EPS8: variants seen among roughly 807,000 people sequenced by gnomAD.
EPS8 encodes the protein epidermal growth factor receptor kinase substrate 8.
In EPS8, 42 loss-of-function variants were observed where a neutral mutation model predicts 103.8. The ratio of observed to expected loss-of-function variants is 0.40; its 90% CI spans 0.32 to 0.52. The LOEUF (loss-of-function observed/expected upper bound fraction) is 0.52, where lower values mean the gene tolerates loss of function less well. EPS8 is among the 20% of genes least tolerant of loss of function. EPS8 has a pLI of 0.40. For missense variants in EPS8, 969 were observed against 1,005.1 expected, an observed-to-expected ratio of 0.96 and a Z score of 0.49; for synonymous variants, 344 against 344.6, an observed-to-expected ratio of 1.00 and a Z score of 0.02.
intron 17 of EPS8, among the ~76,000 whole-genome samples, chr12:15,636,920 T>C (rs953148985): frequency 6.6e-6 from 1 of 152,264 alleles, no homozygotes; most frequent in Non-Finnish European, 1.5e-5. Context: ...TATCACAGTA[T>C]AATGCAAAGT....
intron 17 of EPS8, among the ~76,000 whole-genome samples, chr12:15,639,926 G>T (rs1366879697): frequency 1.3e-5 from 2 of 152,184 alleles, no homozygotes; most frequent in Admixed American, 1.3e-4. Flanking sequence ...GCCACCCCAG[G>T]TTCACTGGCT....
chr12:15,700,632 T>C lies in EPS8; in HGVS notation c.-21-17660A>G, dbSNP rs1407652445. On this transcript the variant is annotated intron_variant, in intron 1 of 20. Coordinates refer to ENST00000281172, the MANE Select transcript of EPS8 (RefSeq NM_004447.6). The surrounding 1 kb of genome is among the most constrained non-coding windows in gnomAD (Gnocchi z 5.1). ...AATGCCAACTGAGCAGAAAAACCAA[T>C]GAAGGCACTGCTCTTAGTGTAGCCA... 5.9e-5 allele frequency among the ~76,000 whole-genome samples: 9 copies of C among 152,286 alleles called. No individual in the cohort carries two copies. In the East Asian group the frequency reaches 1.5e-3, roughly 26 times the overall value.
intron 9 of EPS8, among the ~76,000 whole-genome samples, chr12:15,661,436 A>C (rs1015003544): frequency 3.3e-5 from 5 of 152,198 alleles, no homozygotes; most frequent in Non-Finnish European, 5.9e-5. Context: ...TTTCTCAATA[A>C]GCTGGTAACA....
chr12:15,683,392 A>C (rs1393697357), intron 1 of EPS8: 1 of 153,452 alleles, frequency 6.5e-6, no homozygotes. Flanking sequence ...ACAAAAGCAA[A>C]AAGTATCACC....
At position 15,669,613 on chromosome 12, in the gene EPS8, A is replaced by G; in HGVS notation, c.366+51T>C. On this transcript the variant is annotated intron_variant, in intron 5 of 20. Coordinates refer to ENST00000281172, the MANE Select transcript of EPS8 (RefSeq NM_004447.6). ...CAATCTGAAATGATTGTAAACATTA[A>G]TATTTGTGGAGTTTCTTGAAAATAA... 1.9e-6 allele frequency: 3 copies of G among 1,553,398 alleles called. No homozygotes were observed. The African/African-American group carries it at 4.1e-5, about 21-fold the overall frequency.
At chr12:15,694,983 C>T (rs944809281) in intron 1 of EPS8, among the ~76,000 whole-genome samples, 14 of 152,012 alleles carry the variant, frequency 9.2e-5, no homozygotes, top group African/African-American at 3.4e-4. Context: ...AAAAATAATG[C>T]TCATTAAGTA....
intron 14 of EPS8, among the ~76,000 whole-genome samples, chr12:15,648,810 C>T (rs760355278): frequency 1.3e-5 from 2 of 152,114 alleles, no homozygotes; most frequent in African/African-American, 2.4e-5. Context: ...CCAAAGTTTG[C>T]TTAGGGTTCA....
intron 1 of EPS8, among the ~76,000 whole-genome samples, chr12:15,743,906 C>A (rs1946849696): frequency 6.6e-6 from 1 of 152,138 alleles, no homozygotes. Context: ...CCAAAATTGA[C>A]AAATGGGATC....
chr12:15,642,029 G>A (rs1024516345), intron 15 of EPS8, among the ~76,000 whole-genome samples, 199 bp from the exon 16 acceptor site: 11 of 151,920 alleles, frequency 7.2e-5, no homozygotes, highest in Non-Finnish European at 1.6e-4. Flanking sequence ...TATGGCCAGG[G>A]ATAAAAACAA....
rs1265334548 is a variant in EPS8, at chr12:15,658,067, A to G, written c.1101+12T>C. Reference sequence around the variant, plus strand: ...CTAAGAACGATTCTTTCTTAAACTAATAAAATCTCACCATATTTAATGGAG... The same window carrying G: ...CTAAGAACGATTCTTTCTTAAACTAGTAAAATCTCACCATATTTAATGGAG... On this transcript the variant is annotated intron_variant, in intron 12 of 20. Coordinates refer to ENST00000281172, the MANE Select transcript of EPS8 (RefSeq NM_004447.6). 3 of 1,519,838 alleles carry G rather than the reference A, an allele frequency of 2.0e-6. No individual in the cohort carries two copies. The highest frequency in any genetic ancestry group is 2.7e-6 in the Non-Finnish European group (3 of 1,095,438). The allele number at this position is 1,519,838 out of a possible 1,614,324, so 94.1% of individuals were successfully genotyped here. A position where few individuals can be genotyped will look rare whatever the true frequency, so the allele number is the denominator to read the frequency against.
intron 1 of EPS8, among the ~76,000 whole-genome samples, chr12:15,737,356 T>C (rs549223572): frequency 6.6e-6 from 1 of 152,134 alleles, no homozygotes; most frequent in East Asian, 1.9e-4. Context: ...AACAAAATAG[T>C]TTAGAAAAAA....
rs192842398 is a variant in EPS8 at position 15,777,155 on chromosome 12, A to G, written c.-22+12006T>C. Among the ~76,000 whole-genome samples the G allele has an allele frequency of 4.4e-4, 67 of 152,254 alleles. 1 individual carries two copies. The highest frequency in any genetic ancestry group is 4.1e-3 in the Admixed American group (62 of 15,284). Reference sequence around the variant, plus strand: ...TTTTATATCTATTTTAAGATTCTTTACAATGCCATGGAGTAGCCTATATAA... The same window carrying G: ...TTTTATATCTATTTTAAGATTCTTTGCAATGCCATGGAGTAGCCTATATAA... On this transcript the variant is annotated intron_variant, in intron 1 of 20. Transcript: ENST00000281172. The surrounding 1 kb of genome is among the most constrained non-coding windows in gnomAD (Gnocchi z 4.7).
In EPS8 at chr12:15,731,041, C is replaced by CT. The variant is rs898595143; in HGVS notation, c.-21-48070dup. Among the ~76,000 whole-genome samples the CT allele has an allele frequency of 6.6e-6, 1 of 152,140 alleles. No homozygotes were observed. The highest frequency in any genetic ancestry group is 1.5e-5 in the Non-Finnish European group (1 of 68,030). ...CCATTTACTTATTTCAGAAATGCCT[C>CT]TTGTGCAAAAAGTTCAGTCAAAAAT... On this transcript the variant is annotated intron_variant, in intron 1 of 20. Transcript: ENST00000281172. The surrounding 1 kb of genome is among the most constrained non-coding windows in gnomAD (Gnocchi z 5.1).
rs752363209 is a variant in EPS8, at chr12:15,733,513, C to T, written c.-21-50541G>A. ...TATCATATTGTTCATTAAATAGTAT[C>T]TTGGCACCTTTAAAAAGCCTAGATA... On this transcript the variant is annotated intron_variant, in intron 1 of 20. Coordinates refer to ENST00000281172, the MANE Select transcript of EPS8 (RefSeq NM_004447.6). This position sits in a 1 kb window ranked among gnomAD's most constrained non-coding sequence, Gnocchi z 4.8. 6.6e-6 allele frequency among the ~76,000 whole-genome samples: 1 copy of T among 152,088 alleles called. No individual in the cohort carries two copies. Among genetic ancestry groups the T allele is most frequent in the African/African-American group, 2.4e-5 (1 of 41,400 alleles).
intron 1 of EPS8, among the ~76,000 whole-genome samples, chr12:15,686,282 A>C (rs1946094441): frequency 6.6e-6 from 1 of 152,182 alleles, no homozygotes; most frequent in South Asian, 2.1e-4. Flanking sequence ...CATATACAAA[A>C]TACGTTAATC....
rs1361845768 is a variant in EPS8 at position 15,701,917 on chromosome 12, T to G, written c.-21-18945A>C. On this transcript the variant is annotated intron_variant, in intron 1 of 20. Transcript: ENST00000281172. The surrounding 1 kb of genome is among the most constrained non-coding windows in gnomAD (Gnocchi z 5.1). ...TAAAAAGAGTTCAAACATCTGACTCTTACAATATTTTGCTTTCAGTAGAAA... is the reference window on the plus strand; with the variant it reads ...TAAAAAGAGTTCAAACATCTGACTCGTACAATATTTTGCTTTCAGTAGAAA... 6.6e-6 allele frequency among the ~76,000 whole-genome samples: 1 copy of G among 152,212 alleles called. No individual in the cohort carries two copies. Among genetic ancestry groups the G allele is most frequent in the Non-Finnish European group, 1.5e-5 (1 of 68,032 alleles).
Position 15,692,199 on chromosome 12 carries a change from A to G in EPS8, c.-21-9227T>C, listed in dbSNP as rs1946182112. Among the ~76,000 whole-genome samples the G allele has an allele frequency of 1.3e-5, 2 of 152,190 alleles. 1 individual carries two copies. The highest frequency in any genetic ancestry group is 4.1e-4 in the South Asian group (2 of 4,828). On this transcript the variant is annotated intron_variant, in intron 1 of 20. Transcript: ENST00000281172. ...GGGCACATACTTCAGGGACTTCCTA[A>G]GAAAGAGCATTAGAAATGTACATTT...
intron 8 of EPS8, among the ~76,000 whole-genome samples, chr12:15,663,812 C>A (rs909732016): frequency 6.7e-6 from 1 of 149,314 alleles, no homozygotes; most frequent in Non-Finnish European, 1.5e-5. Context: ...ATCCCAGCTA[C>A]TTGGGAGGCT....
At chr12:15,628,990 A>G (rs1348682823) in intron 18 of EPS8, among the ~76,000 whole-genome samples, 1 of 152,234 alleles carries the variant, frequency 6.6e-6, no homozygotes, top group Non-Finnish European at 1.5e-5. Flanking sequence ...AAAGAAATAT[A>G]TTTATTTAAT....
Sources: allele counts gnomAD v4.1 joint callset (sites outside exome capture counted in the v4.1 genomes callset), GRCh38; gene constraint gnomAD v4.1.1; non-coding constraint Gnocchi (gnomAD v3.1); transcripts MANE v1.5; gene names NCBI Gene and HGNC (gene_info 2026-07-23, HGNC 2026-07-21).